The following MYO3B variants were observed in gnomAD, a reference collection of about 807,000 sequenced individuals.
MYO3B encodes myosin IIIB.
A neutral mutation model predicts 174.6 loss-of-function variants in MYO3B; 156 were observed. The observed-to-expected ratio is 0.89, with a 90% CI of 0.78 to 1.02. The LOEUF (loss-of-function observed/expected upper bound fraction) is 1.02. Ranked by LOEUF, MYO3B falls within the 50% of genes least tolerant of loss-of-function variation. The probability of loss-of-function intolerance (pLI) is 0.00; values close to 1 mark genes in which losing one functional copy is unlikely to be tolerated. For missense variants in MYO3B, 1,632 were observed against 1,639.4 expected, an observed-to-expected ratio of 1.00 and a Z score of 0.08; for synonymous variants, 563 against 569.1, an observed-to-expected ratio of 0.99 and a Z score of 0.15.
intron 16 of MYO3B, among the ~76,000 whole-genome samples, chr2:170,397,623 C>A (rs903188428): frequency 6.6e-6 from 1 of 152,184 alleles, no homozygotes; most frequent in African/African-American, 2.4e-5. Context: ...ACTCACATTT[C>A]TGACACCAAA....
intron 32 of MYO3B, among the ~76,000 whole-genome samples, chr2:170,639,511 G>C (rs768595892): frequency 3.9e-5 from 6 of 152,158 alleles, no homozygotes; most frequent in Non-Finnish European, 7.3e-5. Flanking sequence ...GAATAAAGGA[G>C]TTTAAAGACT....
At chr2:170,201,751 G>A (rs773325429) in intron 3 of MYO3B, among the ~76,000 whole-genome samples, 2 of 123,568 alleles carry the variant, frequency 1.6e-5, no homozygotes, top group African/African-American at 6.3e-5. Flanking sequence ...TCTTGCCAAT[G>A]AAGCTGTTTA....
At chr2:170,399,242 C>CAAAAAAAAAAAAAAAAAAA (rs71399532) in intron 16 of MYO3B, among the ~76,000 whole-genome samples, 1 of 15,608 alleles carries the variant, frequency 6.4e-5, no homozygotes, top group Non-Finnish European at 1.3e-4. Flanking sequence ...AATTCCGTCT[C>CAAAAAAAAAAAAAAAAAAA]AAAAAAAAAA....
At chr2:170,208,629 G>T (rs1044342697) in intron 3 of MYO3B, among the ~76,000 whole-genome samples, 7 of 152,100 alleles carry the variant, frequency 4.6e-5, no homozygotes, top group African/African-American at 1.7e-4. Context: ...TTAGTCTAAA[G>T]GGTAGGCAAA....
rs112512971 is a variant in MYO3B at position 170,318,683 on chromosome 2, C to G, written c.750-16702C>G. 2.6e-5 allele frequency among the ~76,000 whole-genome samples: 4 copies of G among 152,262 alleles called. 1 individual carries two copies. The highest frequency in any genetic ancestry group is 9.6e-5 in the African/African-American group (4 of 41,568). On this transcript the variant is annotated intron_variant, in intron 7 of 34. Transcript: ENST00000408978. ...GGCAAGAGCAGAGCAGGAGGTACCT[C>G]TATGCAGAGAAGACGTATATAAATT...
intron 22 of MYO3B, among the ~76,000 whole-genome samples, chr2:170,408,856 A>C (rs2094527766): frequency 6.6e-6 from 1 of 152,014 alleles, no homozygotes. Flanking sequence ...TCCTGTAAAC[A>C]GAACTAGTAG....
At chr2:170,413,339 A>G (rs192717494) in intron 22 of MYO3B, among the ~76,000 whole-genome samples, 8 of 152,122 alleles carry the variant, frequency 5.3e-5, no homozygotes, top group African/African-American at 1.9e-4. Flanking sequence ...AGGAGAAGGG[A>G]GTGGAAGTTA....
At chr2:170,220,523 G>T (rs1292220926) in intron 6 of MYO3B, among the ~76,000 whole-genome samples, 1 of 150,902 alleles carries the variant, frequency 6.6e-6, no homozygotes, top group Admixed American at 6.6e-5. Context: ...CAGCTACTCG[G>T]GAGGCTGAGG....
At chr2:170,375,746 G>C (rs1574874145) in intron 9 of MYO3B, among the ~76,000 whole-genome samples, 1 of 112,414 alleles carries the variant, frequency 8.9e-6, no homozygotes, top group African/African-American at 2.9e-5. Context: ...CACACACACA[G>C]AGCACCCCAT....
At chr2:170,269,620 C>T (rs776627069) in intron 7 of MYO3B, among the ~76,000 whole-genome samples, 25 of 152,132 alleles carry the variant, frequency 1.6e-4, no homozygotes, top group Non-Finnish European at 2.9e-4. Context: ...AGGCATGCCA[C>T]GTAAGTTCAT....
chr2:170,592,725 A>G (rs1693893099), intron 32 of MYO3B, among the ~76,000 whole-genome samples: 1 of 152,204 alleles, frequency 6.6e-6, no homozygotes, highest in South Asian at 2.1e-4. Flanking sequence ...CTTGGTGCCC[A>G]TCACATGGCC....
chr2:170,516,452 T>C (rs915961455), intron 29 of MYO3B, among the ~76,000 whole-genome samples: 2 of 151,964 alleles, frequency 1.3e-5, no homozygotes, highest in Non-Finnish European at 2.9e-5. Context: ...CCATCCTGGC[T>C]AACACACAAT....
chr2:170,471,334 C>T (rs1037993661), intron 25 of MYO3B, among the ~76,000 whole-genome samples: 100 of 152,124 alleles, frequency 6.6e-4, no homozygotes, highest in African/African-American at 2.4e-3. Flanking sequence ...ACAGGAGTGA[C>T]CCACTGTGCC....
At chr2:170,581,211 C>T (rs767878572) in intron 32 of MYO3B, among the ~76,000 whole-genome samples, 2 of 152,130 alleles carry the variant, frequency 1.3e-5, no homozygotes, top group African/African-American at 2.4e-5. Flanking sequence ...AAATAAATTT[C>T]GGAGTCAGAA....
chr2:170,628,103 G>A (rs189670462), intron 32 of MYO3B, among the ~76,000 whole-genome samples: 17 of 152,294 alleles, frequency 1.1e-4, no homozygotes, highest in African/African-American at 4.1e-4. Flanking sequence ...AGTCTTCAGA[G>A]GTTTCTGCTG....
chr2:170,588,640 A>G (rs1450788183), intron 32 of MYO3B, among the ~76,000 whole-genome samples: 1 of 152,192 alleles, frequency 6.6e-6, no homozygotes, highest in Non-Finnish European at 1.5e-5. Context: ...CTTTATCCCA[A>G]CATCAAAGTG....
intron 32 of MYO3B, chr2:170,602,061 A>G (rs1026331148): frequency 1.0e-6 from 1 of 980,264 alleles, no homozygotes; most frequent in Admixed American, 1.7e-5. Flanking sequence ...ATTTTCCTTT[A>G]TCTTTAGCAG....
intron 1 of MYO3B, among the ~76,000 whole-genome samples, chr2:170,195,238 A>G (rs2092585629): frequency 6.6e-6 from 1 of 152,014 alleles, no homozygotes; most frequent in East Asian, 1.9e-4. Context: ...GGGAAGAGGC[A>G]TTCTGTTTTC....
intron 32 of MYO3B, among the ~76,000 whole-genome samples, chr2:170,559,810 C>T (rs747978181): frequency 7.2e-5 from 11 of 152,070 alleles, no homozygotes; most frequent in Admixed American, 1.3e-4. Flanking sequence ...CTCACTCCTC[C>T]GGTCCCACAT....
Sources: allele counts gnomAD v4.1 joint callset (sites outside exome capture counted in the v4.1 genomes callset), GRCh38; gene constraint gnomAD v4.1.1; transcripts MANE v1.5; gene names NCBI Gene and HGNC (gene_info 2026-07-23, HGNC 2026-07-21).